GABBR2: variants seen among roughly 807,000 people sequenced by gnomAD.
GABBR2 encodes the protein gamma-aminobutyric acid type B receptor subunit 2.
Under a neutral mutation model 105.6 loss-of-function variants are expected in GABBR2, and 23 were observed. The observed-to-expected ratio is 0.22, with a 90% CI of 0.16 to 0.31. The LOEUF (loss-of-function observed/expected upper bound fraction) is 0.31, where lower values mean the gene tolerates loss of function less well. Ranked by LOEUF, GABBR2 falls within the 10% of genes least tolerant of loss-of-function variation. GABBR2 has a pLI of 1.00. For synonymous variants in GABBR2, 478 were observed against 499.7 expected (o/e 0.96, Z 0.58); for missense variants, 734 against 1,245.5 (o/e 0.59, Z 6.18).
chr9:98,507,000 A>G (rs1369091091), intron 3 of GABBR2, among the ~76,000 whole-genome samples: 5 of 152,090 alleles, frequency 3.3e-5, no homozygotes, highest in Admixed American at 2.0e-4. Context: ...CCAGAACCAC[A>G]TACTGTAGGG....
chr9:98,328,209 T>C (rs1471043581), intron 13 of GABBR2, among the ~76,000 whole-genome samples: 2 of 151,950 alleles, frequency 1.3e-5, no homozygotes, highest in Admixed American at 6.6e-5. Context: ...TTCCTCCCCC[T>C]AGACTTCTTA....
intron 1 of GABBR2, among the ~76,000 whole-genome samples, chr9:98,586,284 C>CTTTTTTTTTTTTTTT (rs569530376): frequency 8.4e-5 from 11 of 131,072 alleles, no homozygotes; most frequent in African/African-American, 1.7e-4. Context: ...TCTTTTCTTT[C>CTTTTTTTTTTTTTTT]TTTTTTTTTT....
chr9:98,415,124 G>GTA (rs1564058996), intron 7 of GABBR2, among the ~76,000 whole-genome samples: 2 of 151,922 alleles, frequency 1.3e-5, no homozygotes, highest in African/African-American at 4.8e-5. Flanking sequence ...CAGTATACTC[G>GTA]CAATTACGTA....
intron 1 of GABBR2, among the ~76,000 whole-genome samples, chr9:98,649,661 C>T (rs1466939010): frequency 2.6e-5 from 4 of 152,020 alleles, no homozygotes; most frequent in Non-Finnish European, 4.4e-5. Context: ...TTGAAAGTGC[C>T]GCAACAATAC....
intron 2 of GABBR2, among the ~76,000 whole-genome samples, chr9:98,572,386 G>T (rs538008163): frequency 2.0e-5 from 3 of 152,148 alleles, no homozygotes; most frequent in African/African-American, 7.2e-5. Flanking sequence ...AACTGATTAC[G>T]CATTCCTGGC....
chr9:98,567,594 C>T (rs78590788), intron 2 of GABBR2, among the ~76,000 whole-genome samples: 1,622 of 152,306 alleles, frequency 0.011, 25 homozygotes, highest in African/African-American at 0.035. Flanking sequence ...ATCACAGTTG[C>T]GGTAACATCA....
chr9:98,569,739 A>G (rs1204153258), intron 2 of GABBR2, among the ~76,000 whole-genome samples: 1 of 152,206 alleles, frequency 6.6e-6, no homozygotes, highest in African/African-American at 2.4e-5. Flanking sequence ...CAGCCTGTAC[A>G]ACAGGGAGAC....
chr9:98,514,021 T>C (rs1256337026), intron 3 of GABBR2, among the ~76,000 whole-genome samples: 1 of 151,942 alleles, frequency 6.6e-6, no homozygotes, highest in Admixed American at 6.6e-5. Flanking sequence ...TATCCAACGA[T>C]AGACTGGATT....
At chr9:98,423,342 G>C (rs1032707037) in intron 7 of GABBR2, among the ~76,000 whole-genome samples, 8 of 152,166 alleles carry the variant, frequency 5.3e-5, no homozygotes, top group Non-Finnish European at 1.0e-4. Flanking sequence ...GTTTTGATTT[G>C]CATTTCTCTG....
chr9:98,446,713 G>A (rs1411875629), intron 7 of GABBR2, among the ~76,000 whole-genome samples: 1 of 152,176 alleles, frequency 6.6e-6, no homozygotes, highest in Non-Finnish European at 1.5e-5. Context: ...CCGGGCAGCA[G>A]ACAAGAAAGG....
intron 13 of GABBR2, among the ~76,000 whole-genome samples, chr9:98,323,172 C>T (rs1428481080): frequency 1.3e-5 from 2 of 152,226 alleles, no homozygotes; most frequent in Admixed American, 1.3e-4. Context: ...AACCTTTTCT[C>T]TAAACCACTA....
chr9:98,609,458 G>A (rs182001317), intron 1 of GABBR2, among the ~76,000 whole-genome samples: 1 of 152,288 alleles, frequency 6.6e-6, no homozygotes, highest in Admixed American at 6.5e-5. Flanking sequence ...TATTTCAAGT[G>A]AACGTCGGGG....
intron 6 of GABBR2, among the ~76,000 whole-genome samples, chr9:98,457,659 G>A (rs981311895): frequency 2.0e-5 from 3 of 152,160 alleles, no homozygotes; most frequent in African/African-American, 7.2e-5. Context: ...AGACACAGGT[G>A]TAGCTAAGCC....
rs1588220147 is a variant in GABBR2 at position 98,542,098 on chromosome 9, C to T, written c.460-55G>A. The T allele has an allele frequency of 9.5e-6, 14 of 1,468,748 alleles. No homozygotes were observed. The East Asian group carries it at 3.3e-4, about 34-fold the overall frequency. 91.0% of individuals were successfully genotyped at this position (1,468,748 alleles called of 1,614,324 possible). On this transcript the variant is annotated intron_variant, in intron 2 of 18. Transcript: ENST00000259455. ...TACTGATGAGCCTCACAGCTGTGAC[C>T]CAGCATCTTTCCTACTGGAATAGAG...
At chr9:98,671,824 A>T (rs1038808113) in intron 1 of GABBR2, among the ~76,000 whole-genome samples, 1 of 152,254 alleles carries the variant, frequency 6.6e-6, no homozygotes, top group Non-Finnish European at 1.5e-5. Context: ...CAAGAAGTCC[A>T]TGAGGTTGTG....
At chr9:98,645,175 T>C (rs149640811) in intron 1 of GABBR2, among the ~76,000 whole-genome samples, 2 of 152,320 alleles carry the variant, frequency 1.3e-5, no homozygotes, top group East Asian at 1.9e-4. Context: ...GTAATTTGTA[T>C]GTGAGTGTTC....
chr9:98,306,375 G>A lies in GABBR2; in HGVS notation c.2005-30C>T, dbSNP rs1024390935. 4 of 1,499,636 alleles carry A rather than the reference G, an allele frequency of 2.7e-6. No homozygotes were observed. The Admixed American group carries it at 6.9e-5, about 26-fold the overall frequency. The allele number at this position is 1,499,636 out of a possible 1,614,324, so 92.9% of individuals were successfully genotyped here. A position where few individuals can be genotyped will look rare whatever the true frequency, so the allele number is the denominator to read the frequency against. On this transcript the variant is annotated intron_variant, in intron 14 of 18. Transcript: ENST00000259455. This position sits in a 1 kb window ranked among gnomAD's most constrained non-coding sequence, Gnocchi z 5.4. ...AATGGTGAACAGAAAGGGGAGAGAT[G>A]ATCGTTACCAAGGGGTGGCACACAC... is the stretch of plus-strand genomic sequence containing the variant.
chr9:98,290,669 C>T lies in GABBR2; in HGVS notation c.2741G>A (p.Cys914Tyr). ...GGTGGGGCTGACGCAGGGGCTGACA[C>T]AGCTGGCGTCCACGCCTCCGATGGA... Reference protein sequence around the residue: ...LPSIGGVDASCVSPCVSPTAS... With the variant: ...LPSIGGVDASYVSPCVSPTAS... The change falls in exon 19 of 19, where the codon TGT becomes TAT. Residue 914 changes from cysteine (C) to tyrosine (Y), a missense_variant. Cys to Tyr is a radical substitution (Grantham distance 194, BLOSUM62 -2). Coordinates refer to ENST00000259455, the MANE Select transcript of GABBR2 (RefSeq NM_005458.8). The T allele has an allele frequency of 6.8e-7, 1 of 1,477,496 alleles. No individual in the cohort carries two copies. Among genetic ancestry groups the T allele is most frequent in the South Asian group, 1.5e-5 (1 of 66,910 alleles). The allele number at this position is 1,477,496 out of a possible 1,614,324, so 91.5% of individuals were successfully genotyped here. A position where few individuals can be genotyped will look rare whatever the true frequency, so the allele number is the denominator to read the frequency against.
chr9:98,421,367 A>G (rs113621390), intron 7 of GABBR2, among the ~76,000 whole-genome samples: 9 of 152,308 alleles, frequency 5.9e-5, no homozygotes, highest in African/African-American at 2.2e-4. Context: ...GAAACAATGT[A>G]CAATCTTATT....
Sources: gnomAD v4.1 joint callset for allele counts (sites outside exome capture counted in the v4.1 genomes callset) on GRCh38, gnomAD v4.1.1 for gene constraint, Gnocchi (gnomAD v3.1) non-coding constraint, MANE v1.5 for transcripts, NCBI Gene and HGNC (gene_info 2026-07-23, HGNC 2026-07-21) for gene names.